The following CASR variants were observed in gnomAD, a reference collection of about 807,000 sequenced individuals.
CASR encodes the protein calcium sensing receptor, also known as extracellular calcium-sensing receptor.
In CASR, 23 loss-of-function variants were observed where a neutral mutation model predicts 69.1. That is an observed-to-expected ratio of 0.33 (90% CI 0.24 to 0.47). The LOEUF is 0.47. Among genes scored for constraint, CASR ranks in the 20% least tolerant of loss-of-function variants. The probability of loss-of-function intolerance (pLI) is 1.00; values close to 1 mark genes in which losing one functional copy is unlikely to be tolerated. For missense variants in CASR, 924 were observed against 1,356.1 expected (o/e 0.68, Z 5.00); for synonymous variants, 541 against 544.7 (o/e 0.99, Z 0.10).
At chr3:122,241,394 G>A (rs927997066) in intron 1 of CASR, among the ~76,000 whole-genome samples, 4 of 152,008 alleles carry the variant, frequency 2.6e-5, no homozygotes, top group African/African-American at 7.2e-5. Context: ...AGAGGCTACT[G>A]TGAGCAAATA....
intron 1 of CASR, among the ~76,000 whole-genome samples, chr3:122,194,928 A>G (rs866349193): frequency 6.6e-6 from 1 of 151,706 alleles, no homozygotes; most frequent in African/African-American, 2.4e-5. Flanking sequence ...CACTTTAGTT[A>G]TATTCTTCCC....
intron 6 of CASR, among the ~76,000 whole-genome samples, chr3:122,282,578 G>T (rs2074905557): frequency 1.3e-5 from 2 of 152,126 alleles, no homozygotes; most frequent in Non-Finnish European, 2.9e-5. Context: ...TCATAGAATT[G>T]CCTGCTGGGT....
At chr3:122,241,204 T>C (rs1209608554) in intron 1 of CASR, among the ~76,000 whole-genome samples, 1 of 151,370 alleles carries the variant, frequency 6.6e-6, no homozygotes, top group African/African-American at 2.4e-5. Flanking sequence ...TAAATGAAAT[T>C]GAAATGAATA....
At chr3:122,203,467 G>A (rs2073977316) in intron 1 of CASR, among the ~76,000 whole-genome samples, 1 of 152,136 alleles carries the variant, frequency 6.6e-6, no homozygotes. Flanking sequence ...GCATGTGCCT[G>A]TATTGAATTC....
At chr3:122,201,637 C>A (rs186081860) in intron 1 of CASR, among the ~76,000 whole-genome samples, 2 of 85,468 alleles carry the variant, frequency 2.3e-5, no homozygotes, top group African/African-American at 3.7e-5. Context: ...GGCGACCCCC[C>A]ACCTCCCTCC....
chr3:122,260,074 T>A (rs2074601864), intron 3 of CASR, among the ~76,000 whole-genome samples: 1 of 152,124 alleles, frequency 6.6e-6, no homozygotes, highest in Non-Finnish European at 1.5e-5. Context: ...TCCCATAACT[T>A]GGAACTTCCT....
At chr3:122,279,704 C>T (rs971930910) in intron 5 of CASR, among the ~76,000 whole-genome samples, 1 of 152,148 alleles carries the variant, frequency 6.6e-6, no homozygotes, top group Non-Finnish European at 1.5e-5. Flanking sequence ...AGGTTTTAAC[C>T]TCTCAGGTTA....
intron 1 of CASR, among the ~76,000 whole-genome samples, chr3:122,186,098 T>C (rs1170247634): frequency 6.6e-6 from 1 of 150,474 alleles, no homozygotes; most frequent in African/African-American, 2.5e-5. Flanking sequence ...TAAAACAGAG[T>C]GGTTGAAATT....
rs527374426 is a variant in CASR, at chr3:122,223,093, G to A, written c.-242-30855G>A. On this transcript the variant is annotated intron_variant, in intron 1 of 6. Transcript: ENST00000639785. ...CAGTGTTAAGAGGAAAGTTTAGAGT[G>A]CTAAATGCCTACATCAAGAAGTTAG... is the stretch of plus-strand genomic sequence containing the variant. 2.0e-5 allele frequency among the ~76,000 whole-genome samples: 3 copies of A among 152,194 alleles called. No homozygotes were observed. In the South Asian group the frequency reaches 6.2e-4, roughly 32 times the overall value.
At chr3:122,209,629 A>C (rs33988695) in intron 1 of CASR, among the ~76,000 whole-genome samples, 4 of 151,930 alleles carry the variant, frequency 2.6e-5, no homozygotes, top group Non-Finnish European at 5.9e-5. Flanking sequence ...ATTATCTCCC[A>C]CAAGGTCCCT....
intron 1 of CASR, among the ~76,000 whole-genome samples, chr3:122,217,755 A>C (rs2107599681): frequency 6.6e-6 from 1 of 152,366 alleles, no homozygotes; most frequent in Admixed American, 6.5e-5. Context: ...TAACCGTACC[A>C]TTCTGATAGT....
At chr3:122,212,412 T>TG (rs1235570638) in intron 1 of CASR, among the ~76,000 whole-genome samples, 3 of 152,124 alleles carry the variant, frequency 2.0e-5, no homozygotes, top group East Asian at 1.9e-4. Context: ...CTGTGGAAGT[T>TG]GGGGTCAGGG....
Position 122,285,254 on chromosome 3 carries a change from G to A in CASR, c.*63G>A. On this transcript the variant is annotated 3_prime_UTR_variant, in exon 7 of 7. Transcript: ENST00000639785. ...AGGTTTCTTGGGGTCCCAGGGAAGAGGAATCGCCCCAGACTCCTTTCCTCT... is the reference window on the plus strand; with the variant it reads ...AGGTTTCTTGGGGTCCCAGGGAAGAAGAATCGCCCCAGACTCCTTTCCTCT... 1 of 1,451,924 alleles carries A rather than the reference G, an allele frequency of 6.9e-7. No individual in the cohort carries two copies. The highest frequency in any genetic ancestry group is 9.7e-7 in the Non-Finnish European group (1 of 1,035,880). The allele number at this position is 1,451,924 out of a possible 1,614,324, so 89.9% of individuals were successfully genotyped here.
At chr3:122,240,238 G>C (rs568441013) in intron 1 of CASR, among the ~76,000 whole-genome samples, 1 of 152,262 alleles carries the variant, frequency 6.6e-6, no homozygotes, top group Non-Finnish European at 1.5e-5. Flanking sequence ...GCCATGACAT[G>C]TTTAAAGTGC....
intron 1 of CASR, among the ~76,000 whole-genome samples, chr3:122,186,326 G>C (rs2073782941): frequency 6.6e-6 from 1 of 152,190 alleles, no homozygotes; most frequent in African/African-American, 2.4e-5. Context: ...GGAAGAGAGT[G>C]GGGAGGAGAG....
In CASR at chr3:122,226,428, A is replaced by T. The variant is rs138485228; in HGVS notation, c.-242-27520A>T. Among the ~76,000 whole-genome samples the T allele has an allele frequency of 3.3e-5, 5 of 152,286 alleles. No homozygotes were observed. The East Asian group carries it at 9.6e-4, about 29-fold the overall frequency. On this transcript the variant is annotated intron_variant, in intron 1 of 6. Transcript: ENST00000639785. ...AGCTCATAAAGGCAGTGTGAACCCA[A>T]AGAGTGAGCAGTAGCAAGATTTATT...
chr3:122,195,686 A>G (rs2073882768), intron 1 of CASR, among the ~76,000 whole-genome samples: 1 of 152,222 alleles, frequency 6.6e-6, no homozygotes, highest in Non-Finnish European at 1.5e-5. Flanking sequence ...ACATGGGGAA[A>G]CTGAACTTTA....
rs2073744215 is a variant in CASR, at chr3:122,183,789, C to T, written c.-266C>T. 1 of 152,176 alleles carries T rather than the reference C, an allele frequency of 6.6e-6. No homozygotes were observed. The highest frequency in any genetic ancestry group is 1.5e-5 in the Non-Finnish European group (1 of 68,054). 9.4% of individuals were successfully genotyped at this position (152,176 alleles called of 1,614,324 possible). On this transcript the variant is annotated 5_prime_UTR_variant, in exon 1 of 7. Transcript: ENST00000639785. ...CCGAGGTCTTGCGGCACAGGCAACG[C>T]TTGACCTGAGTCTTGCAGAATGAGT...
At chr3:122,243,263 G>T (rs1380897924) in intron 1 of CASR, among the ~76,000 whole-genome samples, 2 of 152,054 alleles carry the variant, frequency 1.3e-5, no homozygotes, top group Admixed American at 1.3e-4. Context: ...GAAAATATTC[G>T]CAAACTAGCC....
Sources: allele counts gnomAD v4.1 joint callset (sites outside exome capture counted in the v4.1 genomes callset), GRCh38; gene constraint gnomAD v4.1.1; transcripts MANE v1.5; gene names NCBI Gene and HGNC (gene_info 2026-07-23, HGNC 2026-07-21).